The following LDLRAD3 variants were observed in gnomAD, a reference collection of about 807,000 sequenced individuals.
LDLRAD3 encodes the protein low density lipoprotein receptor class A domain containing 3.
In LDLRAD3, 20 loss-of-function variants were observed where a neutral mutation model predicts 29.4. The observed-to-expected ratio is 0.68, with a 90% CI of 0.48 to 0.99. The LOEUF (loss-of-function observed/expected upper bound fraction) is 0.99. LDLRAD3 is among the 50% of genes least tolerant of loss of function. The pLI, the probability that LDLRAD3 is intolerant of heterozygous loss-of-function variation, is 0.00. For missense variants in LDLRAD3, 420 were observed against 454.3 expected (o/e 0.92, Z 0.69); for synonymous variants, 157 against 192.7 (o/e 0.81, Z 1.53).
At chr11:36,183,121 G>A (rs886478107) in intron 4 of LDLRAD3, among the ~76,000 whole-genome samples, 2 of 152,182 alleles carry the variant, frequency 1.3e-5, no homozygotes, top group African/African-American at 4.8e-5. Context: ...ATGGTGGGAC[G>A]TAGACGGTGG....
Position 35,944,184 on chromosome 11 carries a change from G to C in LDLRAD3, c.46+40G>C. 10 of 950,828 alleles carry C rather than the reference G, an allele frequency of 1.1e-5. No individual in the cohort carries two copies. In the South Asian group the frequency reaches 4.7e-4, roughly 44 times the overall value. 58.9% of individuals were successfully genotyped at this position (950,828 alleles called of 1,614,324 possible). A position where few individuals can be genotyped will look rare whatever the true frequency, so the allele number is the denominator to read the frequency against. ...GGCCGGCGAACTTCCCGCGGGGCGC[G>C]GGGCGCGGGGCGCGGGGCGCAGCGG... On this transcript the variant is annotated intron_variant, in intron 1 of 5. Transcript: ENST00000315571. The surrounding 1 kb of genome is among the most constrained non-coding windows in gnomAD (Gnocchi z 4.9).
intron 4 of LDLRAD3, among the ~76,000 whole-genome samples, chr11:36,176,681 G>T (rs1243199383): frequency 1.3e-5 from 2 of 152,126 alleles, no homozygotes; most frequent in Admixed American, 1.3e-4. Context: ...TGAGAAATCC[G>T]CCGTTAATCT....
intron 4 of LDLRAD3, among the ~76,000 whole-genome samples, chr11:36,108,926 G>A (rs1471883101): frequency 6.6e-6 from 1 of 152,054 alleles, no homozygotes; most frequent in African/African-American, 2.4e-5. Context: ...GGGTTAGTGG[G>A]TGGAAAATTA....
chr11:35,972,852 A>AC (rs1296515130), intron 1 of LDLRAD3: 3 of 152,066 alleles, frequency 2.0e-5, no homozygotes, highest in Admixed American at 2.0e-4. Flanking sequence ...GGAGTTTGGG[A>AC]CCAGCCTGGG....
chr11:36,153,255 T>A (rs932933437), intron 4 of LDLRAD3, among the ~76,000 whole-genome samples: 1 of 152,140 alleles, frequency 6.6e-6, no homozygotes, highest in Non-Finnish European at 1.5e-5. Flanking sequence ...GAACAGGTCC[T>A]CCTGCAGCAA....
At chr11:35,945,310 T>A (rs1851042657) in intron 1 of LDLRAD3, among the ~76,000 whole-genome samples, 1 of 152,180 alleles carries the variant, frequency 6.6e-6, no homozygotes, top group African/African-American at 2.4e-5. Context: ...TAAAGGGATA[T>A]CTCCTCTCTT....
In LDLRAD3 at chr11:36,231,711, T is replaced by C. The variant is rs1482955328; in HGVS notation, c.*2314T>C. 1 of 152,112 alleles carries C rather than the reference T, an allele frequency of 6.6e-6. No individual in the cohort carries two copies. Among genetic ancestry groups the C allele is most frequent in the African/African-American group, 2.4e-5 (1 of 41,404 alleles). 9.4% of individuals were successfully genotyped at this position (152,112 alleles called of 1,614,324 possible). ...TTTTTTTAATGAATGTTTTTAAAAATATATAAATAGGACACCAAAGCGGCA... is the reference window on the plus strand; with the variant it reads ...TTTTTTTAATGAATGTTTTTAAAAACATATAAATAGGACACCAAAGCGGCA... On this transcript the variant is annotated 3_prime_UTR_variant, in exon 6 of 6. Transcript: ENST00000315571.
rs190197808 is a variant in LDLRAD3, at chr11:36,057,247, G to T, written c.193+20998G>T. ...CCTGTGATCGTCAGGGTCCCTGGTGGATTGAGGCCAACTTGGGAAACATTG... is the reference window on the plus strand; with the variant it reads ...CCTGTGATCGTCAGGGTCCCTGGTGTATTGAGGCCAACTTGGGAAACATTG... On this transcript the variant is annotated intron_variant, in intron 2 of 5. Transcript: ENST00000315571. Among the ~76,000 whole-genome samples the T allele has an allele frequency of 2.0e-5, 3 of 152,296 alleles. No homozygotes were observed. In the East Asian group the frequency reaches 5.8e-4, roughly 29 times the overall value.
chr11:36,171,330 T>TG (rs1049237027), intron 4 of LDLRAD3, among the ~76,000 whole-genome samples: 17 of 152,248 alleles, frequency 1.1e-4, no homozygotes, highest in Non-Finnish European at 2.9e-5. Flanking sequence ...CTGTTTTTGT[T>TG]GCATTTGCTT....
At chr11:36,034,447 A>G (rs1232319870) in intron 1 of LDLRAD3, among the ~76,000 whole-genome samples, 5 of 152,162 alleles carry the variant, frequency 3.3e-5, no homozygotes, top group Non-Finnish European at 7.4e-5. Context: ...GGAGATTTCT[A>G]GGATTCTGAT....
At chr11:36,105,234 TGTGTGAGA>T (rs1176918668) in intron 4 of LDLRAD3, among the ~76,000 whole-genome samples, 127 of 147,416 alleles carry the variant, frequency 8.6e-4, no homozygotes, top group African/African-American at 2.1e-3. Flanking sequence ...TGTGTGTGTG[TGTGTGAGA>T]GAGAGAGAGA....
intron 3 of LDLRAD3, among the ~76,000 whole-genome samples, chr11:36,094,609 C>T (rs745602803): frequency 6.6e-6 from 1 of 152,202 alleles, no homozygotes; most frequent in African/African-American, 2.4e-5. Context: ...GGACTCGGCT[C>T]ATTTCAACTT....
chr11:36,224,141 A>G (rs1333680816), intron 4 of LDLRAD3, among the ~76,000 whole-genome samples: 2 of 151,360 alleles, frequency 1.3e-5, no homozygotes, highest in Non-Finnish European at 2.9e-5. Flanking sequence ...TTGTTACAAG[A>G]AAGAACTAGC....
At chr11:36,041,734 T>C (rs1852384217) in intron 2 of LDLRAD3, among the ~76,000 whole-genome samples, 1 of 152,224 alleles carries the variant, frequency 6.6e-6, no homozygotes, top group Admixed American at 6.5e-5. Context: ...CTCCGTGTTC[T>C]AACCAAGTGG....
At chr11:36,109,266 C>G (rs1712055624) in intron 4 of LDLRAD3, among the ~76,000 whole-genome samples, 2 of 151,902 alleles carry the variant, frequency 1.3e-5, no homozygotes, top group Admixed American at 1.3e-4. Context: ...CTGGAGTGGT[C>G]CGTGGTGGCC....
intron 4 of LDLRAD3, among the ~76,000 whole-genome samples, chr11:36,201,856 A>G (rs772491652): frequency 1.3e-5 from 2 of 152,118 alleles, no homozygotes; most frequent in African/African-American, 4.8e-5. Flanking sequence ...TCTTCCTTTA[A>G]TTTTCAGATT....
In LDLRAD3 at chr11:36,043,353, C is replaced by T. The variant is rs187018775; in HGVS notation, c.193+7104C>T. On this transcript the variant is annotated intron_variant, in intron 2 of 5. Coordinates refer to ENST00000315571, the MANE Select transcript of LDLRAD3 (RefSeq NM_174902.4). ...ATTATTATATAGTGAATGATAGCTTCCTGCAGCTGTCTAACAGGCTGACGT... is the reference window on the plus strand; with the variant it reads ...ATTATTATATAGTGAATGATAGCTTTCTGCAGCTGTCTAACAGGCTGACGT... Among the ~76,000 whole-genome samples the T allele has an allele frequency of 8.9e-4, 136 of 152,324 alleles. 1 individual carries two copies. The highest frequency in any genetic ancestry group is 3.2e-3 in the African/African-American group (134 of 41,566).
chr11:36,005,639 T>C (rs1286124944), intron 1 of LDLRAD3, among the ~76,000 whole-genome samples: 1 of 152,226 alleles, frequency 6.6e-6, no homozygotes, highest in Non-Finnish European at 1.5e-5. Context: ...TTCTGGTATC[T>C]TTACAGCAGT....
intron 2 of LDLRAD3, among the ~76,000 whole-genome samples, chr11:36,080,205 G>A (rs1853089114): frequency 6.6e-6 from 1 of 152,198 alleles, no homozygotes; most frequent in Non-Finnish European, 1.5e-5. Flanking sequence ...CAAGAGGGAT[G>A]CTACATAGGG....
Sources: gnomAD v4.1 joint callset for allele counts (sites outside exome capture counted in the v4.1 genomes callset) on GRCh38, gnomAD v4.1.1 for gene constraint, Gnocchi (gnomAD v3.1) non-coding constraint, MANE v1.5 for transcripts, NCBI Gene and HGNC (gene_info 2026-07-23, HGNC 2026-07-21) for gene names.